TNKS1BP1: variants seen among roughly 807,000 people sequenced by gnomAD.
The protein encoded by TNKS1BP1 is CCR4-NOT transcription complex subunit 12, also known as 182 kDa tankyrase-1-binding protein.
In TNKS1BP1, 48 loss-of-function variants were observed where a neutral mutation model predicts 141.1. The observed-to-expected ratio is 0.34, with a 90% confidence interval of 0.27 to 0.43. TNKS1BP1 has a LOEUF of 0.43. Ranked by LOEUF, TNKS1BP1 falls within the 20% of genes least tolerant of loss-of-function variation. The probability of loss-of-function intolerance (pLI) is 1.00; values close to 1 mark genes in which losing one functional copy is unlikely to be tolerated. For missense variants in TNKS1BP1, 2,149 were observed against 2,226.0 expected, an observed-to-expected ratio of 0.97 and a Z score of 0.70; for synonymous variants, 875 against 898.2, an observed-to-expected ratio of 0.97 and a Z score of 0.46.
At chr11:57,311,235 C>T in intron 5 of TNKS1BP1, 1 of 985,360 alleles carries the variant, frequency 1.0e-6, no homozygotes, top group South Asian at 4.7e-5. Flanking sequence ...CTCCCTGACT[C>T]ACCCTTGTGG....
At chr11:57,304,023 C>T (rs528520613) in intron 6 of TNKS1BP1, among the ~76,000 whole-genome samples, 26 of 152,200 alleles carry the variant, frequency 1.7e-4, no homozygotes, top group Admixed American at 1.2e-3. Flanking sequence ...AGAGCTTGTG[C>T]GCTGTTTGTC....
intron 9 of TNKS1BP1, 36 bp downstream of exon 9, chr11:57,301,763 CTGGCCAGA>C: frequency 1.3e-6 from 2 of 1,588,498 alleles, no homozygotes; most frequent in Non-Finnish European, 1.7e-6. Context: ...AGGTGGCCAC[CTGGCCAGA>C]TGGCTGGACA....
chr11:57,309,362 C>A lies in TNKS1BP1; in HGVS notation c.3349G>T (p.Ala1117Ser). Residue 1117 changes from alanine (A) to serine (S), a missense_variant, in exon 6 of 12, where the codon GCC becomes TCC. By Grantham distance (99) the Ala-to-Ser change is moderately conservative. Coordinates refer to ENST00000358252, the MANE Select transcript of TNKS1BP1 (RefSeq NM_033396.3). This position sits in a 1 kb window ranked among gnomAD's most constrained non-coding sequence, Gnocchi z 4.3. ...QDWSRDFCIE[A>S]SERSYQFGII... Reference sequence around the variant, plus strand: ...CCAAACTGATAGCTCCTCTCACTGGCCTCGATGCAGAAGTCCCGGCTCCAG... The same window carrying A: ...CCAAACTGATAGCTCCTCTCACTGGACTCGATGCAGAAGTCCCGGCTCCAG... 1.2e-6 allele frequency: 2 copies of A among 1,614,160 alleles called. No individual in the cohort carries two copies. The highest frequency in any genetic ancestry group is 1.7e-6 in the Non-Finnish European group (2 of 1,180,042).
At chr11:57,320,020 C>CCCCCCCCAGACCACCAGGGGGCCACAAAA in intron 3 of TNKS1BP1, 59 bp downstream of exon 3, 1 of 1,213,902 alleles carries the variant, frequency 8.2e-7, no homozygotes, top group Non-Finnish European at 1.2e-6. Flanking sequence ...AGCCCCCACC[C>CCCCCCCCAGACCACCAGGGGGCCACAAAA]AATCCCACCC....
Position 57,313,432 on chromosome 11 carries a change from C to T in TNKS1BP1, c.1256G>A (p.Arg419His), listed in dbSNP as rs762418585. 5.8e-5 allele frequency: 93 copies of T among 1,608,342 alleles called. No homozygotes were observed. Among genetic ancestry groups the T allele is most frequent in the East Asian group, 2.2e-4 (10 of 44,786 alleles). ...TCGGCGCTGAACCAGGCTGGTGGGG[C>T]GGAGGTGTGCGTCACCCTTGGCCTC... ...EEEAKGDAHLRPTSLVQRRFS... is the reference protein window; with the variant it reads ...EEEAKGDAHLHPTSLVQRRFS... Residue 419 changes from arginine to histidine, a missense_variant, in exon 5 of 12, where the codon CGC becomes CAC. By Grantham distance (29) the Arg-to-His change is conservative. Coordinates refer to ENST00000358252, the MANE Select transcript of TNKS1BP1 (RefSeq NM_033396.3).
At chr11:57,300,487 C>T in intron 11 of TNKS1BP1, 41 bp downstream of exon 11, 1 of 1,597,304 alleles carries the variant, frequency 6.3e-7, no homozygotes. Flanking sequence ...CCAGGGCAGG[C>T]CCTCCTCAGA....
At chr11:57,314,310 G>A (rs1014826550) in intron 4 of TNKS1BP1, among the ~76,000 whole-genome samples, 7 of 152,196 alleles carry the variant, frequency 4.6e-5, no homozygotes, top group Non-Finnish European at 7.3e-5. Context: ...GGGAGAGAGG[G>A]TTTCGCGTCC....
At position 57,313,453 on chromosome 11, in the gene TNKS1BP1, G is replaced by GCCT; in HGVS notation, c.1232_1234dup (p.Glu411dup). 6.2e-7 allele frequency: 1 copy of GCCT among 1,600,880 alleles called. No individual in the cohort carries two copies. The highest frequency in any genetic ancestry group is 1.3e-5 in the African/African-American group (1 of 74,776). ...GGGGCGGAGGTGTGCGTCACCCTTGGCCTCCTCCTCCCCGCCAGATGGAAA... is the reference window on the plus strand; with the variant it reads ...GGGGCGGAGGTGTGCGTCACCCTTGGCCTCCTCCTCCTCCCCGCCAGATGGAAA... On this transcript the variant is annotated inframe_insertion, in exon 5 of 12. Transcript: ENST00000358252.
At chr11:57,321,743 T>TGGCCCCC in intron 2 of TNKS1BP1, 49 bp downstream of exon 2, 1 of 1,186,780 alleles carries the variant, frequency 8.4e-7, no homozygotes, top group Non-Finnish European at 1.2e-6. Flanking sequence ...GCCTCTGTCC[T>TGGCCCCC]TCCCACCCCC....
intron 2 of TNKS1BP1, 119 bp from the exon 3 acceptor site, chr11:57,320,831 G>A (rs1855874556): frequency 2.4e-6 from 3 of 1,235,456 alleles, no homozygotes; most frequent in Non-Finnish European, 3.2e-6. Context: ...CATCTTTCTA[G>A]GCACAAGTCA....
At position 57,313,760 on chromosome 11, in the gene TNKS1BP1, T is replaced by G. The variant is rs1366753179; in HGVS notation, c.928A>C (p.Ser310Arg). ...GSPHLHPPDK[S>R]SPCHSQLLEA... ...AGAAGCTGTGAGTGGCAGGGAGAACTCTTATCAGGCGGGTGAAGATGGGGA... is the reference window on the plus strand; with the variant it reads ...AGAAGCTGTGAGTGGCAGGGAGAACGCTTATCAGGCGGGTGAAGATGGGGA... The change falls in exon 5 of 12, where the codon AGT becomes CGT. Residue 310 changes from serine (S) to arginine (R), a missense_variant. By Grantham distance (110) the Ser-to-Arg change is moderately radical. Transcript: ENST00000358252. 6.2e-7 allele frequency: 1 copy of G among 1,601,464 alleles called. No individual in the cohort carries two copies. The highest frequency in any genetic ancestry group is 1.1e-5 in the South Asian group (1 of 88,662).
chr11:57,308,876 C>T lies in TNKS1BP1; in HGVS notation c.3835G>A (p.Ala1279Thr). Residue 1279 changes from alanine (A) to threonine (T), a missense_variant, in exon 6 of 12, where the codon GCA becomes ACA. By Grantham distance (58) the Ala-to-Thr change is moderately conservative. Coordinates refer to ENST00000358252, the MANE Select transcript of TNKS1BP1 (RefSeq NM_033396.3). ...LKSRERGVGQADWTPDLGLRN... is the reference protein window; with the variant it reads ...LKSRERGVGQTDWTPDLGLRN... Reference sequence around the variant, plus strand: ...AGCCCAAGGTCAGGTGTCCAGTCTGCCTGTCCAACTCCACGCTCCCTTGAT... The same window carrying T: ...AGCCCAAGGTCAGGTGTCCAGTCTGTCTGTCCAACTCCACGCTCCCTTGAT... 2 of 1,613,948 alleles carry T rather than the reference C, an allele frequency of 1.2e-6. No individual in the cohort carries two copies. Among genetic ancestry groups the T allele is most frequent in the Middle Eastern group, 1.6e-4 (1 of 6,062 alleles).
At position 57,310,327 on chromosome 11, in the gene TNKS1BP1, C is replaced by A; in HGVS notation, c.2384G>T (p.Gly795Val). 6.2e-7 allele frequency: 1 copy of A among 1,614,028 alleles called. No individual in the cohort carries two copies. Among genetic ancestry groups the A allele is most frequent in the Non-Finnish European group, 8.5e-7 (1 of 1,180,034 alleles). ...GSTREWASRC[G>V]IGQEEMEASS... is the part of the protein sequence containing the mutation. ...GGCCTCCATCTCCTCCTGGCCGATGCCACACCTGCTGGCCCACTCCCTGGT... is the reference window on the plus strand; with the variant it reads ...GGCCTCCATCTCCTCCTGGCCGATGACACACCTGCTGGCCCACTCCCTGGT... The change falls in exon 6 of 12, where the codon GGC (glycine) becomes GTC (valine). Residue 795 changes from glycine (G) to valine (V), a missense_variant. Physicochemically the swap from Gly to Val is moderately radical, Grantham distance 109 (BLOSUM62 -3). Coordinates refer to ENST00000358252, the MANE Select transcript of TNKS1BP1 (RefSeq NM_033396.3).
rs190812842 is a variant in TNKS1BP1, at chr11:57,299,823, G to C, written c.*271C>G. On this transcript the variant is annotated 3_prime_UTR_variant, in exon 12 of 12. Coordinates refer to ENST00000358252, the MANE Select transcript of TNKS1BP1 (RefSeq NM_033396.3). ...TCAAAAGAAAACCCAAGGGAGGCTG[G>C]AGGAGGAAGCAGAGAGGGAGAGGGA... 118 of 155,048 alleles carry C rather than the reference G, an allele frequency of 7.6e-4. No individual in the cohort carries two copies. The highest frequency in any genetic ancestry group is 1.3e-4 in the Non-Finnish European group (9 of 68,262). The allele number at this position is 155,048 out of a possible 1,614,324, so 9.6% of individuals were successfully genotyped here. A position where few individuals can be genotyped will look rare whatever the true frequency, so the allele number is the denominator to read the frequency against.
Position 57,308,392 on chromosome 11 carries a change from T to C in TNKS1BP1, c.4316+3A>G, listed in dbSNP as rs770935340. ...ACACTTGGGATGGGGCTCCGTTCAT[T>C]ACCTTGCTCCGAAGCTGAGGGCTTC... On this transcript the variant is annotated splice_donor_region_variant and intron_variant, in intron 6 of 11. Coordinates refer to ENST00000358252, the MANE Select transcript of TNKS1BP1 (RefSeq NM_033396.3). 4.3e-6 allele frequency: 7 copies of C among 1,611,206 alleles called. No homozygotes were observed. In the South Asian group the frequency reaches 6.6e-5, roughly 15 times the overall value.
intron 6 of TNKS1BP1, among the ~76,000 whole-genome samples, chr11:57,307,667 G>A (rs951569609): frequency 2.1e-4 from 32 of 152,202 alleles, no homozygotes; most frequent in Non-Finnish European, 3.2e-4. Flanking sequence ...GAATAAAAGC[G>A]AATCTCAATG....
In TNKS1BP1 at chr11:57,320,466, G is replaced by C; in HGVS notation, c.341C>G (p.Thr114Ser). Reference protein sequence around the residue: ...AVEASTGGEATQETGKEEAGK... With the variant: ...AVEASTGGEASQETGKEEAGK... ...AGCCTCCTCTTTCCCAGTCTCTTGG[G>C]TGGCTTCTCCTCCAGTGGAGGCCTC... Residue 114 changes from threonine to serine, a missense_variant, in exon 3 of 12, where the codon ACC becomes AGC. By Grantham distance (58) the Thr-to-Ser change is moderately conservative (BLOSUM62 1). Transcript: ENST00000358252. The C allele has an allele frequency of 6.2e-7, 1 of 1,608,160 alleles. No individual in the cohort carries two copies. The highest frequency in any genetic ancestry group is 1.1e-5 in the South Asian group (1 of 90,628).
rs754911862 is a variant in TNKS1BP1 at position 57,302,269 on chromosome 11, C to T, written c.4684-45G>A. 2 of 1,581,554 alleles carry T rather than the reference C, an allele frequency of 1.3e-6. No homozygotes were observed. The highest frequency in any genetic ancestry group is 1.7e-6 in the Non-Finnish European group (2 of 1,161,498). ...CACCACTGCCATTGCTGCCTCATCC[C>T]ACGGGAGCCCCTCAACAGTAGCTGA... is the stretch of plus-strand genomic sequence containing the variant. On this transcript the variant is annotated intron_variant, in intron 7 of 11. Coordinates refer to ENST00000358252, the MANE Select transcript of TNKS1BP1 (RefSeq NM_033396.3). This position sits in a 1 kb window ranked among gnomAD's most constrained non-coding sequence, Gnocchi z 5.5.
At position 57,302,923 on chromosome 11, in the gene TNKS1BP1, T is replaced by A; in HGVS notation, c.4317-98A>T. ...GCTCCTTCCCCCAGCCCCCAAACTC[T>A]CCCTTGCCCTCCTTCCCATGCTTTT... On this transcript the variant is annotated intron_variant, in intron 6 of 11. Coordinates refer to ENST00000358252, the MANE Select transcript of TNKS1BP1 (RefSeq NM_033396.3). This position sits in a 1 kb window ranked among gnomAD's most constrained non-coding sequence, Gnocchi z 5.5. 7.4e-7 allele frequency: 1 copy of A among 1,347,586 alleles called. No homozygotes were observed. Among genetic ancestry groups the A allele is most frequent in the Non-Finnish European group, 9.7e-7 (1 of 1,027,794 alleles). 83.5% of individuals were successfully genotyped at this position (1,347,586 alleles called of 1,614,324 possible).
Sources: allele counts gnomAD v4.1 joint callset (sites outside exome capture counted in the v4.1 genomes callset), GRCh38; gene constraint gnomAD v4.1.1; non-coding constraint Gnocchi (gnomAD v3.1); transcripts MANE v1.5; gene names NCBI Gene and HGNC (gene_info 2026-07-23, HGNC 2026-07-21).